EYS: variants seen among roughly 807,000 people sequenced by gnomAD.
EYS encodes the protein protein eyes shut homolog.
Under a neutral mutation model 282.1 loss-of-function variants are expected in EYS, and 250 were observed. The ratio of observed to expected loss-of-function variants is 0.89; its 90% CI spans 0.80 to 0.98. The LOEUF is 0.98. EYS is among the 50% of genes least tolerant of loss of function. The pLI is 0.00. For synonymous variants in EYS, 1,355 were observed against 1,282.9 expected, an observed-to-expected ratio of 1.06 and a Z score of -1.20; for missense variants, 4,016 against 3,709.0, an observed-to-expected ratio of 1.08 and a Z score of -2.15.
chr6:65,266,553 T>A (rs1767757941), intron 12 of EYS, among the ~76,000 whole-genome samples: 1 of 151,896 alleles, frequency 6.6e-6, no homozygotes, highest in Non-Finnish European at 1.5e-5. Context: ...AAAAATGCTT[T>A]ATGTAAATTG....
intron 31 of EYS, among the ~76,000 whole-genome samples, chr6:64,125,286 G>A (rs955233086): frequency 6.6e-6 from 1 of 152,054 alleles, no homozygotes; most frequent in African/African-American, 2.4e-5. Flanking sequence ...GAGAGTGCAG[G>A]GAAAAGAGAA....
chr6:64,553,210 T>G (rs1167780741), intron 26 of EYS, among the ~76,000 whole-genome samples: 1 of 152,118 alleles, frequency 6.6e-6, no homozygotes, highest in Non-Finnish European at 1.5e-5. Flanking sequence ...AGAGTTTGAC[T>G]CTTTTTGTCA....
intron 12 of EYS, among the ~76,000 whole-genome samples, chr6:65,209,021 T>G (rs1490892068): frequency 6.6e-6 from 1 of 151,898 alleles, no homozygotes; most frequent in African/African-American, 2.4e-5. Flanking sequence ...TGAAAATACT[T>G]GCAAATACAA....
At chr6:65,381,078 A>T (rs1185957340) in intron 8 of EYS, among the ~76,000 whole-genome samples, 1 of 152,120 alleles carries the variant, frequency 6.6e-6, no homozygotes, top group Non-Finnish European at 1.5e-5. Flanking sequence ...AGGATATAGA[A>T]CTAGAAATAC....
rs6899689 is a variant in EYS, at chr6:63,917,755, G to A, written c.7056-53397C>T. Among the ~76,000 whole-genome samples, 555 of 152,262 alleles carry A rather than the reference G, an allele frequency of 3.6e-3. 3 individuals are homozygous for A. Among genetic ancestry groups the A allele is most frequent in the African/African-American group, 0.012 (498 of 41,552 alleles). On this transcript the variant is annotated intron_variant, in intron 35 of 42. Coordinates refer to ENST00000503581, the MANE Select transcript of EYS (RefSeq NM_001142800.2). Reference sequence around the variant, plus strand: ...CTTTTATGATGAGTCCAATTTTTAGGGTAGACAGAACCCTGGGGATGTATG... The same window carrying A: ...CTTTTATGATGAGTCCAATTTTTAGAGTAGACAGAACCCTGGGGATGTATG...
chr6:64,334,451 A>C (rs1262209534), intron 29 of EYS, among the ~76,000 whole-genome samples: 3 of 152,208 alleles, frequency 2.0e-5, no homozygotes, highest in African/African-American at 7.2e-5. Context: ...AACATTAAAA[A>C]GGACATTGAA....
chr6:64,543,552 C>T lies in EYS; in HGVS notation c.5644+46671G>A, dbSNP rs115044451. Among the ~76,000 whole-genome samples, 1,515 of 152,142 alleles carry T rather than the reference C, an allele frequency of 1.0e-2. 20 individuals are homozygous for T. Among genetic ancestry groups the T allele is most frequent in the African/African-American group, 0.035 (1,436 of 41,538 alleles). ...TATTTTATTTAAAATGTTGCCACCT[C>T]TGAAAATGGCTTAAAGGCTCTATCA... On this transcript the variant is annotated intron_variant, in intron 26 of 42. Coordinates refer to ENST00000503581, the MANE Select transcript of EYS (RefSeq NM_001142800.2).
At chr6:65,531,460 A>G (rs918391651) in intron 2 of EYS, among the ~76,000 whole-genome samples, 1 of 152,204 alleles carries the variant, frequency 6.6e-6, no homozygotes, top group Non-Finnish European at 1.5e-5. Flanking sequence ...AAGAAGATAC[A>G]GTGTGGCCTC....
At chr6:65,075,988 A>G (rs923695920) in intron 12 of EYS, among the ~76,000 whole-genome samples, 2 of 152,046 alleles carry the variant, frequency 1.3e-5, no homozygotes, top group Non-Finnish European at 2.9e-5. Flanking sequence ...CAAGCATTAA[A>G]ACAGTAAATC....
At chr6:64,719,656 A>T (rs1013543939) in intron 22 of EYS, among the ~76,000 whole-genome samples, 28 of 152,228 alleles carry the variant, frequency 1.8e-4, no homozygotes, top group African/African-American at 6.7e-4. Flanking sequence ...ATATTTGTAT[A>T]TACTTCGGGA....
intron 18 of EYS, among the ~76,000 whole-genome samples, chr6:64,887,469 GGAGAT>G (rs1330732338): frequency 6.6e-6 from 1 of 151,926 alleles, no homozygotes; most frequent in Non-Finnish European, 1.5e-5. Context: ...AATTTCCAAA[GGAGAT>G]ATTAAACTGA....
intron 19 of EYS, among the ~76,000 whole-genome samples, chr6:64,850,046 C>T (rs903564884): frequency 2.0e-5 from 3 of 151,932 alleles, no homozygotes; most frequent in Non-Finnish European, 2.9e-5. Context: ...TTGCTTATTA[C>T]AGGAGCCGAT....
At chr6:64,935,049 A>G (rs890453689) in intron 15 of EYS, among the ~76,000 whole-genome samples, 4 of 151,938 alleles carry the variant, frequency 2.6e-5, no homozygotes, top group African/African-American at 9.6e-5. Flanking sequence ...ATTTTTGCAC[A>G]GTGTTAAAAA....
intron 30 of EYS, among the ~76,000 whole-genome samples, chr6:64,248,871 C>T (rs1582483468): frequency 6.6e-6 from 1 of 151,836 alleles, no homozygotes; most frequent in Non-Finnish European, 1.5e-5. Context: ...GCCTGGGCAA[C>T]ATGGTGAAAC....
At chr6:65,508,801 C>G (rs1248225525) in intron 2 of EYS, among the ~76,000 whole-genome samples, 1 of 152,118 alleles carries the variant, frequency 6.6e-6, no homozygotes, top group Admixed American at 6.5e-5. Flanking sequence ...CCAAACTCTT[C>G]CTCACTGGAG....
intron 15 of EYS, among the ~76,000 whole-genome samples, chr6:64,941,621 C>T (rs1769093173): frequency 6.6e-6 from 1 of 152,084 alleles, no homozygotes; most frequent in Non-Finnish European, 1.5e-5. Flanking sequence ...TCCCTTCCCA[C>T]TCTAGAATTC....
intron 11 of EYS, among the ~76,000 whole-genome samples, chr6:65,302,037 A>G (rs1271147942): frequency 1.3e-5 from 2 of 152,260 alleles, no homozygotes; most frequent in Non-Finnish European, 2.9e-5. Flanking sequence ...TTGTTCAGCT[A>G]TGGAAGATGG....
chr6:64,625,041 CT>C (rs1320783236), intron 23 of EYS, among the ~76,000 whole-genome samples: 6 of 152,044 alleles, frequency 3.9e-5, no homozygotes, highest in Non-Finnish European at 7.4e-5. Context: ...GGCTCAATAA[CT>C]TTTTTTAAGT....
Position 63,754,653 on chromosome 6 carries a change from C to T in EYS, c.8071+7808G>A, listed in dbSNP as rs145419053. ...TGTGAATAGTGCCACAATAAACATA[C>T]GTGTGCATGTGTCTTTATAGTAGCA... On this transcript the variant is annotated intron_variant, in intron 41 of 42. Coordinates refer to ENST00000503581, the MANE Select transcript of EYS (RefSeq NM_001142800.2). Among the ~76,000 whole-genome samples, 417 of 152,266 alleles carry T rather than the reference C, an allele frequency of 2.7e-3. 1 individual carries two copies. Among genetic ancestry groups the T allele is most frequent in the African/African-American group, 9.1e-3 (379 of 41,556 alleles).
Sources: allele counts gnomAD v4.1 joint callset (sites outside exome capture counted in the v4.1 genomes callset), GRCh38; gene constraint gnomAD v4.1.1; transcripts MANE v1.5; gene names NCBI Gene and HGNC (gene_info 2026-07-23, HGNC 2026-07-21).